Variants in NAP1L1 observed in about 807,000 individuals in gnomAD.
NAP1L1 encodes nucleosome assembly protein 1-like 1.
In NAP1L1, 9 loss-of-function variants were observed where a neutral mutation model predicts 58.9. The ratio of observed to expected loss-of-function variants is 0.15; its 90% CI spans 0.09 to 0.27. NAP1L1 has a LOEUF of 0.27. NAP1L1 is among the 10% of genes least tolerant of loss of function. The pLI, the probability that NAP1L1 is intolerant of heterozygous loss-of-function variation, is 1.00. For synonymous variants in NAP1L1, 130 were observed against 138.3 expected (o/e 0.94, Z 0.42); for missense variants, 302 against 458.8 (o/e 0.66, Z 3.12).
At chr12:76,053,046 C>A (rs1948914576) in intron 11 of NAP1L1, 45 bp downstream of exon 11, 2 of 1,556,508 alleles carry the variant, frequency 1.3e-6, no homozygotes, top group South Asian at 1.2e-5. Context: ...GCTTTAATTT[C>A]AAATATACTT....
rs1371164407 is a variant in NAP1L1 at position 76,049,539 on chromosome 12, A to G, written c.1089+217T>C. ...GAGCTGATAACCCTGCAGCAGAACA[A>G]AATTATTTGAAATAAAAAAATGTTG... is the stretch of plus-strand genomic sequence containing the variant. On this transcript the variant is annotated intron_variant, in intron 13 of 14. Coordinates refer to ENST00000618691, the MANE Select transcript of NAP1L1 (RefSeq NM_004537.7). 5 of 1,534,460 alleles carry G rather than the reference A, an allele frequency of 3.3e-6. No homozygotes were observed. In the Admixed American group the frequency reaches 5.9e-5, roughly 18 times the overall value.
chr12:76,050,304 A>G (rs1948759202), intron 12 of NAP1L1, among the ~76,000 whole-genome samples: 1 of 152,098 alleles, frequency 6.6e-6, no homozygotes, highest in Non-Finnish European at 1.5e-5. Flanking sequence ...AGTTTCATAA[A>G]CTCAGAACAA....
At chr12:76,063,076 A>G (rs17116190) in intron 4 of NAP1L1, among the ~76,000 whole-genome samples, 2,547 of 152,340 alleles carry the variant, frequency 0.017, 65 homozygotes, top group African/African-American at 0.058. Flanking sequence ...TATATCAGGT[A>G]TACCAGGCTT....
At chr12:76,059,619 G>A (rs1592643985) in intron 6 of NAP1L1, 179 bp downstream of exon 6, 1 of 540,180 alleles carries the variant, frequency 1.9e-6, no homozygotes, top group Non-Finnish European at 3.2e-6. Context: ...TTACAATCTT[G>A]AATGACTGTT....
At chr12:76,064,781 A>C (rs952665968) in intron 4 of NAP1L1, among the ~76,000 whole-genome samples, 1 of 151,936 alleles carries the variant, frequency 6.6e-6, no homozygotes, top group East Asian at 1.9e-4. Flanking sequence ...AACTTGAATA[A>C]ATTAGTATGT....
intron 4 of NAP1L1, among the ~76,000 whole-genome samples, chr12:76,062,045 A>G (rs924032671): frequency 6.6e-6 from 1 of 152,226 alleles, no homozygotes; most frequent in Non-Finnish European, 1.5e-5. Context: ...AGCAGGTAGC[A>G]GTGCGGACAA....
At chr12:76,052,315 T>G (rs12822792) in intron 11 of NAP1L1, among the ~76,000 whole-genome samples, 2 of 151,958 alleles carry the variant, frequency 1.3e-5, no homozygotes, top group East Asian at 3.9e-4. Context: ...TCCACTGATA[T>G]GAAAATAGTG....
chr12:76,063,990 A>G (rs1158005635), intron 4 of NAP1L1, among the ~76,000 whole-genome samples: 1 of 151,822 alleles, frequency 6.6e-6, no homozygotes, highest in Non-Finnish European at 1.5e-5. Flanking sequence ...TCTGGGCAAC[A>G]TAGGGAGACC....
chr12:76,078,552 T>G (rs1950283984), intron 1 of NAP1L1, among the ~76,000 whole-genome samples: 1 of 152,228 alleles, frequency 6.6e-6, no homozygotes, highest in African/African-American at 2.4e-5. Context: ...ACAGACATAG[T>G]AAGCCTGGTT....
intron 4 of NAP1L1, among the ~76,000 whole-genome samples, chr12:76,063,263 T>C (rs1184392336): frequency 6.6e-6 from 1 of 152,144 alleles, no homozygotes; most frequent in Non-Finnish European, 1.5e-5. Context: ...AATATAAATA[T>C]TGGTAAATTT....
At position 76,045,481 on chromosome 12, in the gene NAP1L1, C is replaced by A. The variant is rs982401693; in HGVS notation, c.*2948G>T. ...TTTAGGGGCCTTACCATATCATTAA[C>A]CTATTCACACAACAAAAATATTTTT... is the stretch of plus-strand genomic sequence containing the variant. On this transcript the variant is annotated 3_prime_UTR_variant, in exon 15 of 15. Coordinates refer to ENST00000618691, the MANE Select transcript of NAP1L1 (RefSeq NM_004537.7). The A allele has an allele frequency of 1.3e-5, 2 of 152,142 alleles. No homozygotes were observed. 9.4% of individuals were successfully genotyped at this position (152,142 alleles called of 1,614,324 possible).
rs780754698 is a variant in NAP1L1, at chr12:76,049,837, G to T, written c.1060-52C>A. The T allele has an allele frequency of 3.8e-6, 6 of 1,589,992 alleles. No homozygotes were observed. In the African/African-American group the frequency reaches 6.7e-5, roughly 18 times the overall value. On this transcript the variant is annotated intron_variant, in intron 12 of 14. Coordinates refer to ENST00000618691, the MANE Select transcript of NAP1L1 (RefSeq NM_004537.7). ...TTGAGTGAATGTAACACACATTTCA[G>T]AGTAGCATCAGTAACATTTATCACT...
At chr12:76,084,133 T>C (rs1950516816) in intron 1 of NAP1L1, 1 of 152,042 alleles carries the variant, frequency 6.6e-6, no homozygotes, top group Non-Finnish European at 1.5e-5. Flanking sequence ...CCTGGTATTA[T>C]TTTTGAGGGA....
Position 76,050,599 on chromosome 12 carries a change from G to A in NAP1L1, c.991C>T (p.Arg331Cys), listed in dbSNP as rs757630325. 1.9e-6 allele frequency: 3 copies of A among 1,612,658 alleles called. No individual in the cohort carries two copies. The Admixed American group carries it at 5.0e-5, about 27-fold the overall frequency. ...ACTGATCTTGGGATTATACGCTCAC[G>A]TAAAAAGTGACCAATTTCGAAGTCT... is the stretch of plus-strand genomic sequence containing the variant. The part of the protein sequence containing the change: ...AADFEIGHFL[R>C]ERIIPRSVLY... The change falls in exon 12 of 15, where the codon CGT becomes TGT. Residue 331 changes from arginine to cysteine, a missense_variant. Physicochemically the swap from Arg to Cys is radical, Grantham distance 180. Coordinates refer to ENST00000618691, the MANE Select transcript of NAP1L1 (RefSeq NM_004537.7).
At chr12:76,071,766 T>C (rs1949962548) in intron 2 of NAP1L1, among the ~76,000 whole-genome samples, 1 of 152,070 alleles carries the variant, frequency 6.6e-6, no homozygotes, top group Non-Finnish European at 1.5e-5. Context: ...CTAGCAGAAA[T>C]ATTCAGTTTC....
chr12:76,060,362 G>T, intron 4 of NAP1L1, 83 bp from the exon 5 acceptor site: 1 of 1,392,904 alleles, frequency 7.2e-7, no homozygotes. Context: ...TGAAGCATTG[G>T]AGTTAGTGAA....
In NAP1L1 at chr12:76,044,917, A is replaced by T. The variant is rs1948584597; in HGVS notation, c.*3512T>A. ...GGCTTTTTATCCAGGTTATATTTTA[A>T]TATCTGGAGTTTTAATCCAGCATAC... On this transcript the variant is annotated 3_prime_UTR_variant, in exon 15 of 15. Coordinates refer to ENST00000618691, the MANE Select transcript of NAP1L1 (RefSeq NM_004537.7). 1 of 152,178 alleles carries T rather than the reference A, an allele frequency of 6.6e-6. No individual in the cohort carries two copies. Among genetic ancestry groups the T allele is most frequent in the Non-Finnish European group, 1.5e-5 (1 of 68,024 alleles). The allele number at this position is 152,178 out of a possible 1,614,324, so 9.4% of individuals were successfully genotyped here. A position where few individuals can be genotyped will look rare whatever the true frequency, so the allele number is the denominator to read the frequency against.
At position 76,075,955 on chromosome 12, in the gene NAP1L1, G is replaced by A. The variant is rs558369261; in HGVS notation, c.-20-1716C>T. ...GAAGCAGAAGGACCGCTTGAGGCCA[G>A]GAGTTCAAGACAAGCCTTGGCAACA... On this transcript the variant is annotated intron_variant, in intron 1 of 14. Coordinates refer to ENST00000618691, the MANE Select transcript of NAP1L1 (RefSeq NM_004537.7). Among the ~76,000 whole-genome samples, 13 of 152,182 alleles carry A rather than the reference G, an allele frequency of 8.5e-5. No homozygotes were observed. In the South Asian group the frequency reaches 1.0e-3, roughly 12 times the overall value.
chr12:76,074,296 A>G, intron 1 of NAP1L1, 57 bp from the exon 2 acceptor site: 1 of 1,494,730 alleles, frequency 6.7e-7, no homozygotes, highest in Non-Finnish European at 8.9e-7. Flanking sequence ...AAAAAAAAAT[A>G]AGAAACCAAA....
Sources: allele counts gnomAD v4.1 joint callset (sites outside exome capture counted in the v4.1 genomes callset), GRCh38; gene constraint gnomAD v4.1.1; transcripts MANE v1.5; gene names NCBI Gene and HGNC (gene_info 2026-07-23, HGNC 2026-07-21).